The following CCDC30 variants were observed in gnomAD, a reference collection of about 807,000 sequenced individuals.
The protein encoded by CCDC30 is coiled-coil domain-containing protein 30.
A neutral mutation model predicts 100.2 loss-of-function variants in CCDC30; 70 were observed. The ratio of observed to expected loss-of-function variants is 0.70; its 90% confidence interval spans 0.58 to 0.85. CCDC30 has a LOEUF of 0.85. Among genes scored for constraint, CCDC30 ranks in the 40% least tolerant of loss-of-function variants. CCDC30 has a pLI of 0.00. For missense variants in CCDC30, 652 were observed against 771.2 expected (o/e 0.85, Z 1.83); for synonymous variants, 233 against 269.5 (o/e 0.86, Z 1.33).
intron 6 of CCDC30, among the ~76,000 whole-genome samples, chr1:42,523,028 C>T (rs913185319): frequency 6.6e-6 from 1 of 151,908 alleles, no homozygotes; most frequent in Non-Finnish European, 1.5e-5. Flanking sequence ...CAGGCTTTCA[C>T]CATGTTGGCT....
At chr1:42,642,903 A>G (rs946835902) in intron 13 of CCDC30, among the ~76,000 whole-genome samples, 1 of 152,190 alleles carries the variant, frequency 6.6e-6, no homozygotes, top group Non-Finnish European at 1.5e-5. Context: ...GTTGATCCAC[A>G]TTTTTATTAT....
chr1:42,628,230 T>C (rs887471513), intron 11 of CCDC30, among the ~76,000 whole-genome samples: 1 of 152,136 alleles, frequency 6.6e-6, no homozygotes, highest in Non-Finnish European at 1.5e-5. Flanking sequence ...TGTAACCCCT[T>C]TGTTTTAGCT....
At chr1:42,502,272 C>T (rs999296118) in intron 6 of CCDC30, among the ~76,000 whole-genome samples, 4 of 152,130 alleles carry the variant, frequency 2.6e-5, no homozygotes, top group South Asian at 2.1e-4. Flanking sequence ...TGGGACCCTC[C>T]GAGCCATGCG....
At chr1:42,616,624 A>T (rs1445061950) in intron 11 of CCDC30, among the ~76,000 whole-genome samples, 1 of 152,232 alleles carries the variant, frequency 6.6e-6, no homozygotes, top group Non-Finnish European at 1.5e-5. Context: ...AACACAAGCT[A>T]AAAGTTGTTC....
chr1:42,477,347 A>G (rs938636121), intron 1 of CCDC30, among the ~76,000 whole-genome samples: 6 of 151,982 alleles, frequency 3.9e-5, no homozygotes, highest in African/African-American at 1.5e-4. Context: ...CTCCTGCCTC[A>G]GCCTCCCTAG....
At chr1:42,532,322 G>T (rs1644818509) in intron 6 of CCDC30, among the ~76,000 whole-genome samples, 1 of 152,098 alleles carries the variant, frequency 6.6e-6, no homozygotes, top group Admixed American at 6.5e-5. Flanking sequence ...GGAGATGGGA[G>T]TCCTGTGACT....
chr1:42,474,235 G>A (rs1430658415), intron 1 of CCDC30, among the ~76,000 whole-genome samples: 1 of 152,152 alleles, frequency 6.6e-6, no homozygotes, highest in Non-Finnish European at 1.5e-5. Context: ...GCAGATGGGG[G>A]TGAAAAGTTG....
chr1:42,535,719 A>ATATATAT (rs1557832937), intron 6 of CCDC30, among the ~76,000 whole-genome samples: 1 of 97,728 alleles, frequency 1.0e-5, no homozygotes, highest in African/African-American at 3.9e-5. Flanking sequence ...TTATATATAT[A>ATATATAT]AATTTTAAAA....
At chr1:42,545,704 C>T (rs1438906368) in intron 6 of CCDC30, 125 bp downstream of exon 9, 10 of 766,888 alleles carry the variant, frequency 1.3e-5, no homozygotes, top group African/African-American at 3.7e-5. Flanking sequence ...CCCAGCACTT[C>T]GGGAGACTGA....
chr1:42,519,456 C>T (rs900972985), intron 6 of CCDC30, among the ~76,000 whole-genome samples: 1 of 152,130 alleles, frequency 6.6e-6, no homozygotes, highest in Admixed American at 6.5e-5. Context: ...ATTCATTCTT[C>T]TTACTAGTTA....
In CCDC30 at chr1:42,569,977, TG is replaced by T. The variant is rs554947607; in HGVS notation, c.636+3505del. On this transcript the variant is annotated intron_variant, in intron 7 of 16. Coordinates refer to ENST00000668663, the Ensembl canonical transcript of CCDC30. ...AACATTACACACCAGGGCCTGTCAG[TG>T]GGTGGGGGACAAGGGGAGGGATAGC... 2.2e-3 allele frequency among the ~76,000 whole-genome samples: 330 copies of T among 151,826 alleles called. 2 individuals are homozygous for T. The highest frequency in any genetic ancestry group is 3.5e-3 in the Non-Finnish European group (239 of 67,932).
chr1:42,483,145 C>T lies in CCDC30; in HGVS notation c.169+329C>T, dbSNP rs755924126. ...CTGTCCTGACTGAATGCAGTTTCTG[C>T]GTTTGACTATATGCAGTATGCCTTC... On this transcript the variant is annotated intron_variant, in intron 3 of 16. Coordinates refer to ENST00000668663, the Ensembl canonical transcript of CCDC30. 84 of 196,766 alleles carry T rather than the reference C, an allele frequency of 4.3e-4. 1 individual carries two copies. The highest frequency in any genetic ancestry group is 3.6e-3 in the Middle Eastern group (2 of 562). The allele number at this position is 196,766 out of a possible 1,614,324, so 12.2% of individuals were successfully genotyped here. A position where few individuals can be genotyped will look rare whatever the true frequency, so the allele number is the denominator to read the frequency against.
chr1:42,577,273 C>A, intron 8 of CCDC30, 44 bp downstream of exon 12: 1 of 1,188,828 alleles, frequency 8.4e-7, no homozygotes, highest in Non-Finnish European at 1.2e-6. Flanking sequence ...CTGAATACCA[C>A]TACTGAAATC....
intron 6 of CCDC30, among the ~76,000 whole-genome samples, chr1:42,526,354 A>G (rs1235425864): frequency 6.6e-6 from 1 of 151,546 alleles, no homozygotes; most frequent in African/African-American, 2.4e-5. Flanking sequence ...TTCTTTTTCC[A>G]TGACCTGTTT....
At chr1:42,586,974 C>G (rs1363581344) in intron 9 of CCDC30, among the ~76,000 whole-genome samples, 1 of 152,046 alleles carries the variant, frequency 6.6e-6, no homozygotes, top group Non-Finnish European at 1.5e-5. Flanking sequence ...TTGAGTTGCT[C>G]TTTTAATTTT....
At chr1:42,507,028 G>A (rs1644405455) in intron 6 of CCDC30, among the ~76,000 whole-genome samples, 1 of 152,136 alleles carries the variant, frequency 6.6e-6, no homozygotes, top group East Asian at 1.9e-4. Context: ...TCAGATTCGA[G>A]TGATTCTCCT....
At chr1:42,539,354 CT>C in intron 6 of CCDC30, 44 bp downstream of exon 8, 1 of 1,506,506 alleles carries the variant, frequency 6.6e-7, no homozygotes, top group Non-Finnish European at 9.0e-7. Context: ...TTTAATGTAG[CT>C]TTTATGAGGA....
chr1:42,472,211 C>T (rs1488930076), intron 1 of CCDC30, among the ~76,000 whole-genome samples: 2 of 152,118 alleles, frequency 1.3e-5, no homozygotes, highest in African/African-American at 2.4e-5. Context: ...TGAGATCACA[C>T]CACTGCACTC....
intron 6 of CCDC30, among the ~76,000 whole-genome samples, chr1:42,509,238 T>G (rs1438901564): frequency 6.6e-6 from 1 of 151,840 alleles, no homozygotes; most frequent in Non-Finnish European, 1.5e-5. Flanking sequence ...CTGGAAGGAG[T>G]GTGATTTACA....
Sources: gnomAD v4.1 joint callset for allele counts (sites outside exome capture counted in the v4.1 genomes callset) on GRCh38, gnomAD v4.1.1 for gene constraint, MANE v1.5 for transcripts, NCBI Gene and HGNC (gene_info 2026-07-23, HGNC 2026-07-21) for gene names.